Variants in PARD3 observed in about 807,000 individuals in gnomAD.
The protein encoded by PARD3 is par-3 family cell polarity regulator.
In PARD3, 75 loss-of-function variants were observed where a neutral mutation model predicts 155.4. The ratio of observed to expected loss-of-function variants is 0.48; its 90% confidence interval spans 0.40 to 0.58. The LOEUF (loss-of-function observed/expected upper bound fraction) is 0.58, where lower values mean the gene tolerates loss of function less well. Ranked by LOEUF, PARD3 falls within the 20% of genes least tolerant of loss-of-function variation. PARD3 has a pLI of 0.00. For synonymous variants in PARD3, 576 were observed against 610.5 expected (o/e 0.94, Z 0.83); for missense variants, 1,642 against 1,721.7 (o/e 0.95, Z 0.82).
intron 5 of PARD3, among the ~76,000 whole-genome samples, chr10:34,427,844 G>A (rs556849945): frequency 1.3e-5 from 2 of 152,230 alleles, no homozygotes; most frequent in South Asian, 2.1e-4. Context: ...ATCGGGGACA[G>A]GTTCCCCCGA....
At chr10:34,542,582 A>G (rs1317686580) in intron 2 of PARD3, among the ~76,000 whole-genome samples, 1 of 152,126 alleles carries the variant, frequency 6.6e-6, no homozygotes, top group Non-Finnish European at 1.5e-5. Context: ...TCTGGTGATC[A>G]CTCCTGTAGA....
intron 20 of PARD3, among the ~76,000 whole-genome samples, chr10:34,310,336 A>T (rs1014071523): frequency 6.6e-6 from 1 of 152,236 alleles, no homozygotes; most frequent in Non-Finnish European, 1.5e-5. Context: ...GTGAATAGTC[A>T]GTAGCCTTCA....
Position 34,372,497 on chromosome 10 carries a change from C to T in PARD3, c.1707+1G>A. On this transcript the variant is annotated splice_donor_variant, in intron 12 of 24. Transcript: ENST00000374788. LOFTEE classifies it high-confidence loss of function. ...CATCCTTCAAAAGACAAAGCTCTTA[C>T]CGTTTCTTTTGGAATCTGCATCTGG... is the stretch of plus-strand genomic sequence containing the variant. The T allele has an allele frequency of 6.2e-7, 1 of 1,607,280 alleles. No homozygotes were observed.
chr10:34,261,368 G>C (rs918170152), intron 22 of PARD3, among the ~76,000 whole-genome samples: 9 of 152,080 alleles, frequency 5.9e-5, no homozygotes, highest in Non-Finnish European at 7.4e-5. Flanking sequence ...GTAACCTATA[G>C]GAAAAGAAAC....
At chr10:34,286,448 T>C (rs1029929923) in intron 20 of PARD3, among the ~76,000 whole-genome samples, 1 of 152,202 alleles carries the variant, frequency 6.6e-6, no homozygotes, top group Non-Finnish European at 1.5e-5. Context: ...GGGAGGGTGA[T>C]GGCCTCTCTC....
At chr10:34,355,328 G>A (rs1422279959) in intron 14 of PARD3, among the ~76,000 whole-genome samples, 2 of 151,810 alleles carry the variant, frequency 1.3e-5, no homozygotes, top group African/African-American at 2.4e-5. Context: ...AGAGCAAGAC[G>A]CTGTCTCCAA....
intron 12 of PARD3, among the ~76,000 whole-genome samples, chr10:34,364,403 TC>T (rs1839762542): frequency 6.6e-6 from 1 of 152,008 alleles, no homozygotes; most frequent in Admixed American, 6.6e-5. Flanking sequence ...AATTTCTCTC[TC>T]TCAAGATCTG....
At chr10:34,197,434 G>A (rs964040098) in intron 22 of PARD3, among the ~76,000 whole-genome samples, 9 of 152,050 alleles carry the variant, frequency 5.9e-5, no homozygotes, top group African/African-American at 2.2e-4. Flanking sequence ...CAGGCCACCC[G>A]CCCATTCCCA....
chr10:34,293,443 T>C (rs2804547), intron 20 of PARD3, among the ~76,000 whole-genome samples: 98,308 of 151,974 alleles, frequency 0.65, 32,474 homozygotes, highest in African/African-American at 0.78. Context: ...TTTCTGTTTC[T>C]CCCAACTAAA....
At chr10:34,762,867 T>G (rs1367136446) in intron 1 of PARD3, among the ~76,000 whole-genome samples, 1 of 152,164 alleles carries the variant, frequency 6.6e-6, no homozygotes, top group Non-Finnish European at 1.5e-5. Context: ...AGCACTACAT[T>G]TACTTTGCAA....
At chr10:34,348,200 G>A (rs1361203429) in intron 14 of PARD3, 85 bp from the exon 15 acceptor site, 13 of 1,225,034 alleles carry the variant, frequency 1.1e-5, no homozygotes, top group East Asian at 5.0e-5. Flanking sequence ...CAACTTGCCC[G>A]AGGCCTGTAT....
At chr10:34,431,460 G>C (rs1250530031) in intron 5 of PARD3, among the ~76,000 whole-genome samples, 1 of 152,166 alleles carries the variant, frequency 6.6e-6, no homozygotes, top group South Asian at 2.1e-4. Flanking sequence ...GGTAGCTCAG[G>C]CTGGGTGCAA....
At chr10:34,810,018 A>G (rs1399076840) in intron 1 of PARD3, among the ~76,000 whole-genome samples, 1 of 127,406 alleles carries the variant, frequency 7.8e-6, no homozygotes. Context: ...CATGACTGTC[A>G]TTGTTACTAA....
In PARD3 at chr10:34,111,044, G is replaced by T. The variant is rs905235269; in HGVS notation, c.*125C>A. 9.7e-7 allele frequency: 1 copy of T among 1,035,774 alleles called. No individual in the cohort carries two copies. The highest frequency in any genetic ancestry group is 1.4e-6 in the Non-Finnish European group (1 of 720,428). The allele number at this position is 1,035,774 out of a possible 1,614,324, so 64.2% of individuals were successfully genotyped here. A position where few individuals can be genotyped will look rare whatever the true frequency, so the allele number is the denominator to read the frequency against. On this transcript the variant is annotated 3_prime_UTR_variant, in exon 25 of 25. Coordinates refer to ENST00000374788, the MANE Select transcript of PARD3 (RefSeq NM_001184785.2). ...ATTTCTTTGCCTACACCGCTTAAAGGCACTGATACCAACAACAGAAATACT... is the reference window on the plus strand; with the variant it reads ...ATTTCTTTGCCTACACCGCTTAAAGTCACTGATACCAACAACAGAAATACT...
At chr10:34,670,007 G>A (rs1490571616) in intron 2 of PARD3, among the ~76,000 whole-genome samples, 3 of 152,292 alleles carry the variant, frequency 2.0e-5, no homozygotes, top group East Asian at 1.9e-4. Flanking sequence ...TGGCTAACAC[G>A]AACAAAGTCA....
At chr10:34,696,285 ATTCAG>A in intron 2 of PARD3, 28 bp downstream of exon 2, 1 of 1,316,524 alleles carries the variant, frequency 7.6e-7, no homozygotes, top group Non-Finnish European at 1.1e-6. Context: ...AAAAAAATGC[ATTCAG>A]AACAGGTTCC....
At chr10:34,378,583 T>C (rs537240444) in intron 9 of PARD3, among the ~76,000 whole-genome samples, 1 of 152,284 alleles carries the variant, frequency 6.6e-6, no homozygotes, top group South Asian at 2.1e-4. Context: ...GAGGTATCTC[T>C]AGATAGAGGT....
intron 22 of PARD3, among the ~76,000 whole-genome samples, chr10:34,181,544 A>G (rs1274338008): frequency 6.6e-6 from 1 of 152,222 alleles, no homozygotes; most frequent in African/African-American, 2.4e-5. Context: ...GATACAACCC[A>G]AAGTGTCACA....
intron 2 of PARD3, among the ~76,000 whole-genome samples, chr10:34,673,428 AATTG>A (rs1266876300): frequency 6.6e-6 from 1 of 152,222 alleles, no homozygotes; most frequent in Non-Finnish European, 1.5e-5. Flanking sequence ...CGAAAATATG[AATTG>A]TATTTAAGTT....
Sources: gnomAD v4.1 joint callset for allele counts (sites outside exome capture counted in the v4.1 genomes callset) on GRCh38, gnomAD v4.1.1 for gene constraint, MANE v1.5 for transcripts, NCBI Gene and HGNC (gene_info 2026-07-23, HGNC 2026-07-21) for gene names.